The following KLHL13 variants were observed in gnomAD, a reference collection of about 807,000 sequenced individuals.
The protein encoded by KLHL13 is kelch like family member 13, also known as kelch-like protein 13.
KLHL13 carries 10 observed loss-of-function variants against 37.1 expected under a neutral mutation model. The observed-to-expected ratio is 0.27, with a 90% CI of 0.17 to 0.46. KLHL13 has a LOEUF of 0.46. Ranked by LOEUF, KLHL13 falls within the 20% of genes least tolerant of loss-of-function variation. The pLI is 1.00. For synonymous variants in KLHL13, 163 were observed against 181.2 expected (o/e 0.90, Z 0.81); for missense variants, 360 against 509.3 (o/e 0.71, Z 2.82).
intron 1 of KLHL13, among the ~76,000 whole-genome samples, chrX:118,044,433 G>GAA (rs145656367): frequency 0.051 from 4,212 of 82,739 alleles, 310 homozygotes; most frequent in African/African-American, 0.17. Context: ...TTACTCTGAG[G>GAA]AAAAAAAAAA....
chrX:118,095,510 A>G lies in KLHL13; in HGVS notation c.-56+20998T>C, dbSNP rs1197708764. 3.6e-5 allele frequency among the ~76,000 whole-genome samples: 4 copies of G among 111,272 alleles called. No homozygotes were observed. The South Asian group carries it at 1.1e-3, about 32-fold the overall frequency. Reference sequence around the variant, plus strand: ...GACAGAAAGTTAACAAGGATATCCAAGAATTGAACTCAGCCCTGCACCAAG... The same window carrying G: ...GACAGAAAGTTAACAAGGATATCCAGGAATTGAACTCAGCCCTGCACCAAG... On this transcript the variant is annotated intron_variant, in intron 1 of 6. Transcript: ENST00000371882.
At chrX:117,908,446 G>C (rs765341527) in intron 5 of KLHL13, among the ~76,000 whole-genome samples, 2 of 108,822 alleles carry the variant, frequency 1.8e-5, no homozygotes, top group African/African-American at 6.7e-5. Context: ...CCCTGTGACA[G>C]ACTCTATTTA....
At chrX:118,107,375 C>T (rs372078427) in intron 1 of KLHL13, among the ~76,000 whole-genome samples, 1 of 111,571 alleles carries the variant, frequency 9.0e-6, no homozygotes, top group East Asian at 2.8e-4. Context: ...TCACCATTTA[C>T]GAGATGCACA....
chrX:117,996,740 T>C (rs1437788946), intron 1 of KLHL13, among the ~76,000 whole-genome samples: 2 of 109,836 alleles, frequency 1.8e-5, no homozygotes, highest in Non-Finnish European at 3.8e-5. Flanking sequence ...ATATTCAAAT[T>C]GTGTTAGTCT....
intron 2 of KLHL13, among the ~76,000 whole-genome samples, chrX:117,929,156 CAT>C (rs1932252878): frequency 8.9e-6 from 1 of 112,241 alleles, no homozygotes; most frequent in Admixed American, 9.4e-5. Context: ...TAAATAGCTA[CAT>C]GTCTACTATA....
chrX:117,991,271 A>G (rs1304289453), intron 1 of KLHL13, among the ~76,000 whole-genome samples: 3 of 110,997 alleles, frequency 2.7e-5, no homozygotes, highest in African/African-American at 9.9e-5. Context: ...TTCTAGGAGC[A>G]TATTAATCCT....
At chrX:118,050,846 C>T (rs140358435) in intron 1 of KLHL13, among the ~76,000 whole-genome samples, 1,720 of 111,744 alleles carry the variant, frequency 0.015, 33 homozygotes, top group African/African-American at 0.053. Context: ...CAGTGGTCTC[C>T]AAACTTGAGC....
chrX:118,029,187 A>C (rs866880591), intron 1 of KLHL13, among the ~76,000 whole-genome samples: 34 of 111,413 alleles, frequency 3.1e-4, no homozygotes, highest in African/African-American at 1.0e-3. Context: ...TGGGTTAGAC[A>C]AGAGAAGTTA....
chrX:117,900,088 C>T (rs1269701666), intron 6 of KLHL13, among the ~76,000 whole-genome samples: 1 of 111,999 alleles, frequency 8.9e-6, no homozygotes, highest in Non-Finnish European at 1.9e-5. Flanking sequence ...TATACATGCA[C>T]CAATTTGTTG....
At position 117,920,227 on chromosome X, in the gene KLHL13, A is replaced by G. The variant is rs768517992; in HGVS notation, c.373+11T>C. On this transcript the variant is annotated intron_variant, in intron 3 of 6. Transcript: ENST00000262820. ...TTTAATGTGGTTTCAGAGTTTTAAA[A>G]GGCAAACTACCTGTGAACATAGCCT... 1 of 1,205,836 alleles carries G rather than the reference A, an allele frequency of 8.3e-7. No individual in the cohort carries two copies. Among genetic ancestry groups the G allele is most frequent in the South Asian group, 1.8e-5 (1 of 56,253 alleles).
chrX:118,010,539 A>G (rs1278348834), intron 1 of KLHL13, among the ~76,000 whole-genome samples: 5 of 78,609 alleles, frequency 6.4e-5, no homozygotes, highest in Non-Finnish European at 2.4e-5. Flanking sequence ...GAATTGAACA[A>G]TTAGATCACA....
At chrX:118,086,402 C>T (rs2055055089) in intron 1 of KLHL13, among the ~76,000 whole-genome samples, 1 of 111,370 alleles carries the variant, frequency 9.0e-6, no homozygotes, top group South Asian at 3.7e-4. Context: ...TAGGCATTCA[C>T]TGATGAAAAT....
intron 1 of KLHL13, among the ~76,000 whole-genome samples, chrX:118,096,601 CA>C (rs2055209246): frequency 9.0e-6 from 1 of 111,383 alleles, no homozygotes; most frequent in African/African-American, 3.3e-5. Flanking sequence ...ATCCTGATAC[CA>C]AAGCCTGGCA....
At chrX:118,009,904 G>C (rs1391209238) in intron 1 of KLHL13, among the ~76,000 whole-genome samples, 1 of 105,278 alleles carries the variant, frequency 9.5e-6, no homozygotes, top group Non-Finnish European at 1.9e-5. Context: ...TCTTCCATTT[G>C]TTTGTATCCT....
At chrX:118,030,806 CT>C (rs67555171) in intron 1 of KLHL13, among the ~76,000 whole-genome samples, 17,366 of 111,493 alleles carry the variant, frequency 0.16, 1,815 homozygotes, top group African/African-American at 0.38. Flanking sequence ...ATGCCAGCCT[CT>C]TTTATCTTGA....
At chrX:117,998,281 T>C (rs1198849750) in intron 1 of KLHL13, among the ~76,000 whole-genome samples, 6 of 112,248 alleles carry the variant, frequency 5.3e-5, no homozygotes, top group Admixed American at 2.8e-4. Context: ...CTCTGAAGAA[T>C]TGGCTTGCCA....
intron 2 of KLHL13, among the ~76,000 whole-genome samples, chrX:117,933,657 G>C (rs1274492867): frequency 9.0e-6 from 1 of 110,996 alleles, no homozygotes; most frequent in Non-Finnish European, 1.9e-5. Context: ...ACAAATGAGA[G>C]TACATCAAAC....
intron 1 of KLHL13, among the ~76,000 whole-genome samples, chrX:118,073,044 A>C (rs779377264): frequency 9.2e-6 from 1 of 109,088 alleles, no homozygotes; most frequent in Admixed American, 9.8e-5. Flanking sequence ...CAGCGAACCA[A>C]GACTGTGCCA....
intron 1 of KLHL13, chrX:117,972,589 T>A (rs2053542323): frequency 2.2e-6 from 1 of 458,343 alleles, no homozygotes; most frequent in East Asian, 3.7e-5. Context: ...CATGCCAACA[T>A]CTTTAAATGT....
Sources: allele counts gnomAD v4.1 joint callset (sites outside exome capture counted in the v4.1 genomes callset), GRCh38; gene constraint gnomAD v4.1.1; transcripts MANE v1.5; gene names NCBI Gene and HGNC (gene_info 2026-07-23, HGNC 2026-07-21).